Variants in TMC2 observed in about 807,000 individuals in gnomAD.
TMC2 encodes transmembrane channel-like protein 2.
Under a neutral mutation model 105.9 loss-of-function variants are expected in TMC2, and 102 were observed. The observed-to-expected ratio is 0.96, with a 90% CI of 0.82 to 1.14. The LOEUF (loss-of-function observed/expected upper bound fraction) is 1.14, where lower values mean the gene tolerates loss of function less well. Ranked by LOEUF, TMC2 falls within the 50% of genes most tolerant of loss-of-function variation. The pLI is 0.00. For missense variants in TMC2, 1,093 were observed against 1,134.3 expected (o/e 0.96, Z 0.52); for synonymous variants, 402 against 422.8 (o/e 0.95, Z 0.60).
rs989776027 is a variant in TMC2 at position 2,616,947 on chromosome 20, G to C, written c.1941-125G>C. On this transcript the variant is annotated intron_variant, in intron 15 of 19. Transcript: ENST00000358864. This position sits in a 1 kb window ranked among gnomAD's most constrained non-coding sequence, Gnocchi z 4.8. ...TGGTTAAATGGGAGGCCCCTTACCT[G>C]GGGACTTGCCAGGAAAGCAGCTCGG... 2 of 1,102,110 alleles carry C rather than the reference G, an allele frequency of 1.8e-6. No homozygotes were observed. Among genetic ancestry groups the C allele is most frequent in the African/African-American group, 3.1e-5 (2 of 64,384 alleles). 68.3% of individuals were successfully genotyped at this position (1,102,110 alleles called of 1,614,324 possible). A position where few individuals can be genotyped will look rare whatever the true frequency, so the allele number is the denominator to read the frequency against.
chr20:2,610,594 T>G lies in TMC2; in HGVS notation c.1589T>G (p.Leu530Arg), dbSNP rs2086429965. The change falls in exon 12 of 20, where the codon CTC (leucine) becomes CGC (arginine). Residue 530 changes from leucine (L) to arginine (R), a missense_variant. Physicochemically the swap from Leu to Arg is moderately radical, Grantham distance 102. Coordinates refer to ENST00000358864, the MANE Select transcript of TMC2 (RefSeq NM_080751.3). ...FLLALMDDVH[L>R]KLANEETIKN... The stretch of plus-strand genomic sequence containing the variant: ...TTGGCCCTGATGGATGACGTCCACC[T>G]CAAGGTAAAAACCACAACACCCCCC... The G allele has an allele frequency of 7.6e-6, 12 of 1,583,332 alleles. No homozygotes were observed. Among genetic ancestry groups the G allele is most frequent in the African/African-American group, 1.4e-5 (1 of 73,706 alleles).
In TMC2 at chr20:2,594,980, G is replaced by A. The variant is rs367927420; in HGVS notation, c.1076+13G>A. ...TTGTCATTCGATCGTAAGTATGACC[G>A]TCTCATCCGCAGGCTTTGACTTCAC... On this transcript the variant is annotated intron_variant, in intron 9 of 19. Transcript: ENST00000358864. 16 of 1,610,062 alleles carry A rather than the reference G, an allele frequency of 9.9e-6. No individual in the cohort carries two copies. Among genetic ancestry groups the A allele is most frequent in the Admixed American group, 3.3e-5 (2 of 59,798 alleles).
rs767486054 is a variant in TMC2, at chr20:2,572,157, T to G, written c.555-22T>G. On this transcript the variant is annotated intron_variant, in intron 4 of 19. Transcript: ENST00000358864. ...GGTTAGGTGCTAACTGAAATCCTGCTTTTTTTTTTTTTTCTAAGCAGGGAG... is the reference window on the plus strand; with the variant it reads ...GGTTAGGTGCTAACTGAAATCCTGCGTTTTTTTTTTTTTCTAAGCAGGGAG... 12 of 724,104 alleles carry G rather than the reference T, an allele frequency of 1.7e-5. No homozygotes were observed. In the South Asian group the frequency reaches 2.9e-4, roughly 18 times the overall value. 44.9% of individuals were successfully genotyped at this position (724,104 alleles called of 1,614,324 possible).
intron 8 of TMC2, among the ~76,000 whole-genome samples, chr20:2,594,225 C>CT (rs565664102): frequency 0.037 from 4,246 of 113,758 alleles, 212 homozygotes; most frequent in African/African-American, 0.066. Context: ...CTAAGGATTC[C>CT]TTTTTTTTTT....
At chr20:2,624,222 GC>G (rs1251569406) in intron 16 of TMC2, 48 bp from the exon 17 acceptor site, 1 of 1,588,678 alleles carries the variant, frequency 6.3e-7, no homozygotes, top group African/African-American at 1.3e-5. Flanking sequence ...AGCTGTGAAT[GC>G]CACAGGCACA....
chr20:2,564,279 T>G (rs1320921827), intron 4 of TMC2, among the ~76,000 whole-genome samples: 1 of 151,132 alleles, frequency 6.6e-6, no homozygotes, highest in African/African-American at 2.4e-5. Flanking sequence ...GCCTGCCGAG[T>G]AGCTGGGACT....
intron 10 of TMC2, among the ~76,000 whole-genome samples, chr20:2,601,871 C>T (rs796467906): frequency 4.6e-5 from 7 of 152,120 alleles, no homozygotes; most frequent in Admixed American, 2.0e-4. Context: ...GAAAGTACCA[C>T]GTCTGACACA....
intron 10 of TMC2, among the ~76,000 whole-genome samples, chr20:2,598,155 A>G (rs1375124829): frequency 6.6e-6 from 1 of 151,762 alleles, no homozygotes. Flanking sequence ...GAACTTATTC[A>G]TGTAACCAAA....
In TMC2 at chr20:2,635,943, T is replaced by C. The variant is rs1430964238; in HGVS notation, c.2324T>C (p.Leu775Pro). 6 of 1,614,108 alleles carry C rather than the reference T, an allele frequency of 3.7e-6. No homozygotes were observed. The highest frequency in any genetic ancestry group is 5.1e-6 in the Non-Finnish European group (6 of 1,179,972). The change falls in exon 18 of 20, where the codon CTG (leucine) becomes CCG (proline). Residue 775 changes from leucine (L) to proline (P), a missense_variant. By Grantham distance (98) the Leu-to-Pro change is moderately conservative (BLOSUM62 -3). Coordinates refer to ENST00000358864, the MANE Select transcript of TMC2 (RefSeq NM_080751.3). ...ILLMFLAIYY[L>P]NSVSKSLSRA... ...TCTTGCAGCTTGGCCATTTACTACCTGAACTCAGTTTCCAAAAGCCTTTCC... is the reference window on the plus strand; with the variant it reads ...TCTTGCAGCTTGGCCATTTACTACCCGAACTCAGTTTCCAAAAGCCTTTCC...
intron 6 of TMC2, 86 bp from the exon 7 acceptor site, chr20:2,579,864 T>G (rs1362052922): frequency 1.3e-6 from 1 of 746,892 alleles, no homozygotes. Context: ...GATGTGAAAA[T>G]TGAATCCACC....
intron 11 of TMC2, among the ~76,000 whole-genome samples, chr20:2,608,164 T>C (rs2086407752): frequency 6.6e-6 from 1 of 150,420 alleles, no homozygotes; most frequent in Non-Finnish European, 1.5e-5. Context: ...GCTGTGGCTA[T>C]CATTATCTTC....
At position 2,536,653 on chromosome 20, in the gene TMC2, A is replaced by G; in HGVS notation, c.32A>G (p.Glu11Gly). The G allele has an allele frequency of 6.4e-7, 1 of 1,574,762 alleles. No homozygotes were observed. The highest frequency in any genetic ancestry group is 1.2e-5 in the South Asian group (1 of 85,608). Residue 11 changes from glutamate (E) to glycine (G), a missense_variant and splice_region_variant, in exon 1 of 20, where the codon GAA (glutamate) becomes GGA (glycine). Physicochemically the swap from Glu to Gly is moderately conservative, Grantham distance 98 (BLOSUM62 -2). Coordinates refer to ENST00000358864, the MANE Select transcript of TMC2 (RefSeq NM_080751.3). MSHQVKGLKE[E>G]ARGGVKGRVK... is the part of the protein sequence containing the mutation. ...CACCAGGTAAAGGGCCTGAAAGAGG[A>G]AGGTGAGTCCACGTCCTGATCCTGC...
intron 18 of TMC2, among the ~76,000 whole-genome samples, chr20:2,636,993 G>C (rs2086651681): frequency 6.6e-6 from 1 of 152,180 alleles, no homozygotes; most frequent in Admixed American, 6.5e-5. Flanking sequence ...GCTGTCCTCT[G>C]GCCACATGTT....
At chr20:2,553,537 C>CTGTTTTGTGTGA (rs1421759031) in intron 2 of TMC2, among the ~76,000 whole-genome samples, 7 of 55,774 alleles carry the variant, frequency 1.3e-4, no homozygotes, top group African/African-American at 2.5e-4. Context: ...AGATACAGGT[C>CTGTTTTGTGTGA]TGTTTTTGTC....
At chr20:2,589,273 TGTGTGTG>T (rs2086252568) in intron 7 of TMC2, among the ~76,000 whole-genome samples, 1 of 125,002 alleles carries the variant, frequency 8.0e-6, no homozygotes, top group African/African-American at 3.1e-5. Context: ...ATTTGCCCTG[TGTGTGTG>T]TGTGTGTGTG....
intron 11 of TMC2, among the ~76,000 whole-genome samples, chr20:2,603,494 A>G (rs897300535): frequency 2.0e-5 from 3 of 152,250 alleles, no homozygotes; most frequent in Non-Finnish European, 4.4e-5. Context: ...TAATTAGATC[A>G]AAAACTGTTA....
At chr20:2,571,781 C>A (rs1204949616) in intron 4 of TMC2, among the ~76,000 whole-genome samples, 1 of 152,180 alleles carries the variant, frequency 6.6e-6, no homozygotes, top group South Asian at 2.1e-4. Context: ...CAGGTGACTG[C>A]TTGAGCTCAG....
At chr20:2,594,225 C>CTTTT (rs565664102) in intron 8 of TMC2, among the ~76,000 whole-genome samples, 6 of 113,752 alleles carry the variant, frequency 5.3e-5, no homozygotes, top group Non-Finnish European at 9.0e-5. Flanking sequence ...CTAAGGATTC[C>CTTTT]TTTTTTTTTT....
At position 2,617,306 on chromosome 20, in the gene TMC2, G is replaced by T; in HGVS notation, c.2175G>T (p.Pro725=). Residue 725 remains proline, a synonymous_variant, in exon 16 of 20, where the codon CCG becomes CCT. Coordinates refer to ENST00000358864, the MANE Select transcript of TMC2 (RefSeq NM_080751.3). ...MSLPPSFDCG[P]FSGKNRMYDV... ...TCCCACCCTCCTTTGACTGCGGGCC[G>T]TTCAGGTGCAGAGTCTCAGTTGCCC... is the stretch of plus-strand genomic sequence containing the variant. 1.2e-6 allele frequency: 2 copies of T among 1,614,154 alleles called. No homozygotes were observed. Among genetic ancestry groups the T allele is most frequent in the South Asian group, 1.1e-5 (1 of 91,080 alleles).
Sources: gnomAD v4.1 joint callset for allele counts (sites outside exome capture counted in the v4.1 genomes callset) on GRCh38, gnomAD v4.1.1 for gene constraint, Gnocchi (gnomAD v3.1) non-coding constraint, MANE v1.5 for transcripts, NCBI Gene and HGNC (gene_info 2026-07-23, HGNC 2026-07-21) for gene names.